Variants in SPHKAP observed in about 807,000 individuals in gnomAD.
SPHKAP encodes A-kinase anchor protein SPHKAP.
In SPHKAP, 67 loss-of-function variants were observed where a neutral mutation model predicts 137.5. That is an observed-to-expected ratio of 0.49 (90% CI 0.40 to 0.60). The LOEUF (loss-of-function observed/expected upper bound fraction) is 0.60, where lower values mean the gene tolerates loss of function less well. SPHKAP is among the 20% of genes least tolerant of loss of function. SPHKAP has a pLI of 0.00. For synonymous variants in SPHKAP, 813 were observed against 785.3 expected (o/e 1.04, Z -0.59); for missense variants, 2,097 against 2,069.3 (o/e 1.01, Z -0.26).
At chr2:228,047,767 C>A (rs534557994) in intron 3 of SPHKAP, among the ~76,000 whole-genome samples, 1 of 152,302 alleles carries the variant, frequency 6.6e-6, no homozygotes, top group South Asian at 2.1e-4. Flanking sequence ...GTTTGATGAT[C>A]TGAAACTTGA....
chr2:228,086,793 G>C (rs1697552668), intron 3 of SPHKAP, among the ~76,000 whole-genome samples: 1 of 152,166 alleles, frequency 6.6e-6, no homozygotes, highest in Non-Finnish European at 1.5e-5. Context: ...GTCTGGGAAA[G>C]TTCAAGCCTA....
Position 228,181,557 on chromosome 2 carries a change from C to A in SPHKAP, c.32+10G>T. 3.7e-6 allele frequency: 6 copies of A among 1,614,190 alleles called. No homozygotes were observed. The highest frequency in any genetic ancestry group is 5.1e-6 in the Non-Finnish European group (6 of 1,180,026). Reference sequence around the variant, plus strand: ...ACATGGTATTGGGCATAGAAAGAAGCGGGTCTTACCTTGGTACCGAGAGCA... The same window carrying A: ...ACATGGTATTGGGCATAGAAAGAAGAGGGTCTTACCTTGGTACCGAGAGCA... On this transcript the variant is annotated intron_variant, in intron 1 of 11. Coordinates refer to ENST00000392056, the MANE Select transcript of SPHKAP (RefSeq NM_001142644.2). The surrounding 1 kb of genome is among the most constrained non-coding windows in gnomAD (Gnocchi z 4.3).
In SPHKAP at chr2:228,053,167, T is replaced by C. The variant is rs116845021; in HGVS notation, c.247-25624A>G. On this transcript the variant is annotated intron_variant, in intron 3 of 11. Coordinates refer to ENST00000392056, the MANE Select transcript of SPHKAP (RefSeq NM_001142644.2). ...GGTGGAAAGAGAGCTCTTATCTCTC[T>C]TCCCCCTGGTGTCTCTTCTTCTTTT... Among the ~76,000 whole-genome samples the C allele has an allele frequency of 1.3e-3, 205 of 152,254 alleles. 1 individual carries two copies. In the East Asian group the frequency reaches 0.034, roughly 26 times the overall value.
chr2:228,054,268 C>T (rs190070950), intron 3 of SPHKAP, among the ~76,000 whole-genome samples: 4 of 151,864 alleles, frequency 2.6e-5, no homozygotes, highest in East Asian at 1.9e-4. Context: ...TGAATTGTTT[C>T]GATAATAATA....
Position 228,066,833 on chromosome 2 carries a change from G to C in SPHKAP, c.247-39290C>G, listed in dbSNP as rs577532412. Among the ~76,000 whole-genome samples, 11 of 152,268 alleles carry C rather than the reference G, an allele frequency of 7.2e-5. No individual in the cohort carries two copies. The South Asian group carries it at 2.1e-3, about 29-fold the overall frequency. On this transcript the variant is annotated intron_variant, in intron 3 of 11. Transcript: ENST00000392056. The stretch of plus-strand genomic sequence containing the variant: ...GGGATCACATAATCTCTTCAAATTT[G>C]CCTCTGGTTTTTAGCATTCATTTAA...
intron 7 of SPHKAP, among the ~76,000 whole-genome samples, chr2:228,009,145 T>C (rs1173488935): frequency 2.6e-5 from 4 of 152,250 alleles, no homozygotes; most frequent in Non-Finnish European, 5.9e-5. Context: ...GGATAAAGTA[T>C]ACTAGGCTGA....
intron 7 of SPHKAP, among the ~76,000 whole-genome samples, chr2:228,007,940 C>T (rs906492792): frequency 2.0e-5 from 3 of 152,028 alleles, no homozygotes; most frequent in Non-Finnish European, 4.4e-5. Flanking sequence ...AATGTAAGGA[C>T]TAAAAGTATA....
intron 1 of SPHKAP, among the ~76,000 whole-genome samples, chr2:228,163,155 T>C (rs1700325461): frequency 6.6e-6 from 1 of 152,176 alleles, no homozygotes; most frequent in Non-Finnish European, 1.5e-5. Flanking sequence ...TGCATGTCGG[T>C]GAGCAACTGG....
In SPHKAP at chr2:228,019,957, T is replaced by C. The variant is rs374574161; in HGVS notation, c.897A>G (p.Leu299=). The C allele has an allele frequency of 2.2e-5, 35 of 1,614,138 alleles. No homozygotes were observed. Among genetic ancestry groups the C allele is most frequent in the Non-Finnish European group, 3.0e-5 (35 of 1,180,046 alleles). The change falls in exon 7 of 12, where the codon CTA becomes CTG. Residue 299 remains leucine (L), a synonymous_variant. Transcript: ENST00000392056. The stretch of plus-strand genomic sequence containing the variant: ...ACTGTGATGGCTTGGCTGAGGGATC[T>C]AGACTCTGCAAGGCTGTGTTCTTTG... ...NLTKNTALQS[L]DPSAKPSQWK...
At chr2:228,071,633 G>GC (rs1697008578) in intron 3 of SPHKAP, among the ~76,000 whole-genome samples, 1 of 151,780 alleles carries the variant, frequency 6.6e-6, no homozygotes. Flanking sequence ...TGCAAGGCTT[G>GC]TTTTTTTTGT....
intron 3 of SPHKAP, among the ~76,000 whole-genome samples, chr2:228,082,426 T>G (rs1697392211): frequency 6.7e-6 from 1 of 148,316 alleles, no homozygotes; most frequent in African/African-American, 2.5e-5. Flanking sequence ...CAAAGTACTT[T>G]GTAAACTAAA....
At chr2:228,158,423 A>G (rs1574905738) in intron 1 of SPHKAP, among the ~76,000 whole-genome samples, 1 of 150,774 alleles carries the variant, frequency 6.6e-6, no homozygotes, top group African/African-American at 2.4e-5. Context: ...AAAGTGGTTA[A>G]AGTAGCCAGG....
In SPHKAP at chr2:228,153,683, C is replaced by G. The variant is rs553247354; in HGVS notation, c.33-21598G>C. Among the ~76,000 whole-genome samples, 4 of 152,070 alleles carry G rather than the reference C, an allele frequency of 2.6e-5. No individual in the cohort carries two copies. In the East Asian group the frequency reaches 7.7e-4, roughly 29 times the overall value. On this transcript the variant is annotated intron_variant, in intron 1 of 11. Transcript: ENST00000392056. Reference sequence around the variant, plus strand: ...GTCTGATGATATTTAGCTGGTAATTCCTTATTTTCTTATCAACTTTTCAAT... The same window carrying G: ...GTCTGATGATATTTAGCTGGTAATTGCTTATTTTCTTATCAACTTTTCAAT...
chr2:227,993,473 G>C, intron 9 of SPHKAP, 61 bp downstream of exon 9: 1 of 1,443,660 alleles, frequency 6.9e-7, no homozygotes, highest in Non-Finnish European at 9.6e-7. Context: ...TGATCAAAAT[G>C]GATTGCCAGA....
intron 1 of SPHKAP, among the ~76,000 whole-genome samples, chr2:228,153,939 C>T (rs959288494): frequency 2.0e-5 from 3 of 152,124 alleles, no homozygotes; most frequent in Non-Finnish European, 4.4e-5. Flanking sequence ...TTAGACAGAA[C>T]TGGCCTATTG....
chr2:228,109,721 T>A (rs1559178207), intron 2 of SPHKAP, among the ~76,000 whole-genome samples: 1 of 152,040 alleles, frequency 6.6e-6, no homozygotes, highest in Non-Finnish European at 1.5e-5. Flanking sequence ...ATCCCAGCAC[T>A]TTGGGAGGCC....
At position 228,019,645 on chromosome 2, in the gene SPHKAP, T is replaced by A; in HGVS notation, c.1209A>T (p.Ala403=). The A allele has an allele frequency of 1.2e-6, 2 of 1,614,130 alleles. No homozygotes were observed. The highest frequency in any genetic ancestry group is 1.7e-6 in the Non-Finnish European group (2 of 1,179,996). Residue 403 remains alanine, a synonymous_variant, in exon 7 of 12, where the codon GCA becomes GCT. Transcript: ENST00000392056. ...TNLAESVLQD[A]FIRLSQSQST... ...ACTGAGATTGAGATAATCTAATAAA[T>A]GCATCCTGCAGCACGGATTCTGCTA... is the stretch of plus-strand genomic sequence containing the variant.
chr2:228,126,064 A>G (rs1699068791), intron 2 of SPHKAP, among the ~76,000 whole-genome samples: 1 of 152,102 alleles, frequency 6.6e-6, no homozygotes, highest in African/African-American at 2.4e-5. Flanking sequence ...TGGGCAACAG[A>G]GTGATATGCC....
At chr2:228,080,834 TC>T (rs1314540967) in intron 3 of SPHKAP, among the ~76,000 whole-genome samples, 1 of 152,008 alleles carries the variant, frequency 6.6e-6, no homozygotes. Context: ...ATGGCTATTA[TC>T]AAAAAGACAA....
Sources: allele counts gnomAD v4.1 joint callset (sites outside exome capture counted in the v4.1 genomes callset), GRCh38; gene constraint gnomAD v4.1.1; non-coding constraint Gnocchi (gnomAD v3.1); transcripts MANE v1.5; gene names NCBI Gene and HGNC (gene_info 2026-07-23, HGNC 2026-07-21).